Variants in TUSC3 observed in about 807,000 individuals in gnomAD.
The protein encoded by TUSC3 is tumor suppressor candidate 3, also known as dolichyl-diphosphooligosaccharide--protein glycosyltransferase subunit TUSC3.
A neutral mutation model predicts 44.8 loss-of-function variants in TUSC3; 45 were observed. That is an observed-to-expected ratio of 1.00 (90% confidence interval 0.79 to 1.29). TUSC3 has a LOEUF of 1.29. Among genes scored for constraint, TUSC3 ranks in the 50% most tolerant of loss-of-function variants. TUSC3 has a pLI of 0.00. For missense variants in TUSC3, 519 were observed against 437.9 expected (o/e 1.19, Z -1.65); for synonymous variants, 212 against 152.9 (o/e 1.39, Z -2.85).
At chr8:15,628,186 G>C (rs1805599750) in intron 2 of TUSC3, among the ~76,000 whole-genome samples, 1 of 151,964 alleles carries the variant, frequency 6.6e-6, no homozygotes, top group Non-Finnish European at 1.5e-5. Flanking sequence ...AAAATCACTA[G>C]TATAGTGAAG....
chr8:15,606,641 A>T (rs190281406), intron 1 of TUSC3, among the ~76,000 whole-genome samples: 295 of 152,206 alleles, frequency 1.9e-3, no homozygotes, highest in Non-Finnish European at 1.6e-3. Context: ...ATGTAATCAG[A>T]TTCCTCTCTG....
chr8:15,573,202 C>CTATATATATATA (rs373565575), intron 1 of TUSC3, among the ~76,000 whole-genome samples: 23 of 74,176 alleles, frequency 3.1e-4, no homozygotes, highest in Middle Eastern at 0.011. Context: ...CTCTCTCTCT[C>CTATATATATATA]TATATATATA....
intron 2 of TUSC3, among the ~76,000 whole-genome samples, chr8:15,496,786 TC>T (rs1451120367): frequency 6.6e-6 from 1 of 152,040 alleles, no homozygotes; most frequent in East Asian, 1.9e-4. Context: ...ACTTACTATT[TC>T]CCCCATATTT....
chr8:15,469,850 A>G (rs1233289210), intron 1 of TUSC3, among the ~76,000 whole-genome samples: 1 of 152,264 alleles, frequency 6.6e-6, no homozygotes, highest in African/African-American at 2.4e-5. Flanking sequence ...AAGACAGGGA[A>G]GAAACATAAG....
intron 5 of TUSC3, among the ~76,000 whole-genome samples, chr8:15,663,184 GA>G: frequency 6.6e-6 from 1 of 151,438 alleles, no homozygotes; most frequent in Non-Finnish European, 1.5e-5. Context: ...AAATCTAACA[GA>G]AAATGTATGA....
downstream of TUSC3, among the ~76,000 whole-genome samples, chr8:15,770,548 A>G (rs372247956): frequency 6.6e-6 from 1 of 152,230 alleles, no homozygotes; most frequent in Non-Finnish European, 1.5e-5. Context: ...AACTTAAAGT[A>G]TAATTTTTAA....
chr8:15,686,200 TA>T (rs1808621995), intron 6 of TUSC3, among the ~76,000 whole-genome samples: 1 of 152,188 alleles, frequency 6.6e-6, no homozygotes. Context: ...ACATAGGACA[TA>T]AAAACAATTT....
chr8:15,625,379 T>A (rs1389673076), intron 2 of TUSC3, among the ~76,000 whole-genome samples: 1 of 152,218 alleles, frequency 6.6e-6, no homozygotes, highest in Non-Finnish European at 1.5e-5. Flanking sequence ...GAATGTTACC[T>A]ATTTTAATTT....
chr8:15,764,202 G>T lies in TUSC3; in HGVS notation c.*47-1G>T. ...ACATAATAATTTTCTTTCTTTTTCA[G>T]CTTTTTAATTAAATGAAGCCAAGTG... On this transcript the variant is annotated splice_acceptor_variant, in intron 10 of 10. Coordinates refer to ENST00000503731, the MANE Select transcript of TUSC3 (RefSeq NM_006765.4). LOFTEE classifies it low-confidence loss of function (3UTR_SPLICE). 1 of 1,605,454 alleles carries T rather than the reference G, an allele frequency of 6.2e-7. No homozygotes were observed.
intron 1 of TUSC3, among the ~76,000 whole-genome samples, chr8:15,613,327 A>C (rs940379921): frequency 1.3e-5 from 2 of 152,074 alleles, no homozygotes; most frequent in Admixed American, 1.3e-4. Context: ...TGAGATTTAA[A>C]AAATTCCCAC....
chr8:15,475,077 A>C (rs746148635), intron 1 of TUSC3, among the ~76,000 whole-genome samples: 2 of 152,074 alleles, frequency 1.3e-5, no homozygotes, highest in African/African-American at 4.8e-5. Flanking sequence ...CGCCCCCTTT[A>C]TACACAGTTT....
At chr8:15,551,066 C>G (rs980413519) in intron 1 of TUSC3, among the ~76,000 whole-genome samples, 42 of 151,720 alleles carry the variant, frequency 2.8e-4, no homozygotes, top group African/African-American at 9.2e-4. Flanking sequence ...AGTCACTTAA[C>G]CGTTTGGAGC....
At chr8:15,837,328 C>A in the TUSC3 span, among the ~76,000 whole-genome samples, 2 of 152,064 alleles carry the variant, frequency 1.3e-5, no homozygotes, top group East Asian at 3.9e-4. Context: ...ATTTATTTCT[C>A]AAGAGCTTTA....
At chr8:15,529,740 T>C (rs1435063648) in intron 2 of TUSC3, among the ~76,000 whole-genome samples, 1 of 151,656 alleles carries the variant, frequency 6.6e-6, no homozygotes, top group Non-Finnish European at 1.5e-5. Context: ...TCTTATAATG[T>C]CTTCTGTAGA....
chr8:15,530,913 A>C (rs1801440762), intron 2 of TUSC3, among the ~76,000 whole-genome samples: 2 of 152,176 alleles, frequency 1.3e-5, no homozygotes, highest in African/African-American at 4.8e-5. Flanking sequence ...CTGTGTCCTT[A>C]ATCTTCTTGG....
chr8:15,781,159 A>C, the TUSC3 span, among the ~76,000 whole-genome samples: 1 of 152,190 alleles, frequency 6.6e-6, no homozygotes, highest in Non-Finnish European at 1.5e-5. Flanking sequence ...CCTGGAAGGA[A>C]GGGTGCTGTC....
chr8:15,497,874 AGTT>A (rs1451175803), intron 2 of TUSC3, among the ~76,000 whole-genome samples: 1 of 151,666 alleles, frequency 6.6e-6, no homozygotes, highest in Non-Finnish European at 1.5e-5. Context: ...CCTCCTGAGT[AGTT>A]GGGATTCTGT....
intron 1 of TUSC3, among the ~76,000 whole-genome samples, chr8:15,547,618 C>T (rs1009406743): frequency 1.3e-5 from 2 of 150,448 alleles, no homozygotes; most frequent in Admixed American, 1.3e-4. Flanking sequence ...TTTATGTTCC[C>T]ACAAAATTTA....
chr8:15,790,672 G>C, the TUSC3 span, among the ~76,000 whole-genome samples: 2 of 152,150 alleles, frequency 1.3e-5, no homozygotes, highest in Non-Finnish European at 2.9e-5. Flanking sequence ...GAAGGGTAGA[G>C]GTACCGGTGC....
Sources: gnomAD v4.1 joint callset for allele counts (sites outside exome capture counted in the v4.1 genomes callset) on GRCh38, gnomAD v4.1.1 for gene constraint, MANE v1.5 for transcripts, NCBI Gene and HGNC (gene_info 2026-07-23, HGNC 2026-07-21) for gene names.